The following RBFOX2 variants were observed in gnomAD, a reference collection of about 807,000 sequenced individuals.
RBFOX2 encodes RNA binding protein fox-1 homolog 2.
Under a neutral mutation model 49.1 loss-of-function variants are expected in RBFOX2, and 10 were observed. The ratio of observed to expected loss-of-function variants is 0.20; its 90% CI spans 0.13 to 0.35. RBFOX2 has a LOEUF of 0.35. Among genes scored for constraint, RBFOX2 ranks in the 10% least tolerant of loss-of-function variants. RBFOX2 has a pLI of 1.00. For missense variants in RBFOX2, 323 were observed against 486.9 expected (o/e 0.66, Z 3.17); for synonymous variants, 183 against 187.4 (o/e 0.98, Z 0.19).
chr22:35,970,318 A>T lies in RBFOX2; in HGVS notation c.187-31421T>A, dbSNP rs2056798441. 3.3e-5 allele frequency among the ~76,000 whole-genome samples: 5 copies of T among 152,136 alleles called. No individual in the cohort carries two copies. The South Asian group carries it at 1.0e-3, about 32-fold the overall frequency. ...TCCTCGCTACCTAGAAACAGCACTA[A>T]AATTTTTCATCAGAGGATATATTGT... On this transcript the variant is annotated intron_variant, in intron 1 of 13. Transcript: ENST00000438146.
intron 1 of RBFOX2, among the ~76,000 whole-genome samples, chr22:35,830,756 ATGT>A (rs1476038552): frequency 1.3e-5 from 2 of 152,222 alleles, no homozygotes; most frequent in Non-Finnish European, 2.9e-5. Flanking sequence ...GTTGACCCAA[ATGT>A]TGTTATACAG....
At chr22:35,841,670 A>G (rs2040514080), upstream of RBFOX2, among the ~76,000 whole-genome samples, 2 of 152,210 alleles carry the variant, frequency 1.3e-5, no homozygotes, top group Non-Finnish European at 2.9e-5. Flanking sequence ...TACTTTCTAA[A>G]AGACTACCCA....
Position 36,017,110 on chromosome 22 carries a change from G to A in RBFOX2, c.186+11130C>T, listed in dbSNP as rs150412620. ...TATAAAATACTTCTATGAATCTATC[G>A]CCAAGGCTGAGATTTAAAGGAACAC... On this transcript the variant is annotated intron_variant, in intron 1 of 13. Coordinates refer to the RBFOX2 transcript ENST00000438146. Among the ~76,000 whole-genome samples the A allele has an allele frequency of 6.5e-4, 99 of 152,264 alleles. 1 individual carries two copies. Among genetic ancestry groups the A allele is most frequent in the South Asian group, 3.7e-3 (18 of 4,822 alleles).
intron 1 of RBFOX2, among the ~76,000 whole-genome samples, chr22:35,810,253 CA>C (rs1018265566): frequency 2.7e-5 from 4 of 150,350 alleles, no homozygotes; most frequent in African/African-American, 9.8e-5. Flanking sequence ...AGTTACTAGA[CA>C]GGCCCACAAC....
rs77121447 is a variant in RBFOX2, at chr22:36,024,332, G to C, written c.186+3908C>G. Among the ~76,000 whole-genome samples the C allele has an allele frequency of 4.3e-3, 656 of 152,222 alleles. 2 individuals are homozygous for C. The highest frequency in any genetic ancestry group is 0.015 in the African/African-American group (628 of 41,532). On this transcript the variant is annotated intron_variant, in intron 1 of 13. Transcript: ENST00000438146. ...GAAACAAGAATAATAAAACAATTAA[G>C]GGACAATAAAAGATGACACACAATT...
intron 8 of RBFOX2, 52 bp downstream of exon 9, chr22:35,761,150 T>C (rs1012145305): frequency 2.7e-6 from 4 of 1,479,290 alleles, no homozygotes; most frequent in African/African-American, 2.8e-5. Context: ...CAGTACATGA[T>C]AGTTCACTCA....
intron 1 of RBFOX2, among the ~76,000 whole-genome samples, chr22:36,002,433 A>G (rs1258884638): frequency 2.0e-5 from 3 of 152,246 alleles, no homozygotes; most frequent in Admixed American, 1.3e-4. Flanking sequence ...GTGGTCATTT[A>G]AAAGAATTAG....
chr22:35,979,648 G>A (rs896373271), intron 1 of RBFOX2, among the ~76,000 whole-genome samples: 4 of 152,126 alleles, frequency 2.6e-5, no homozygotes, highest in Non-Finnish European at 4.4e-5. Flanking sequence ...AGGAGTTTGG[G>A]GTGTTTTGTG....
intron 1 of RBFOX2, among the ~76,000 whole-genome samples, chr22:35,956,331 T>C (rs954266462): frequency 6.6e-6 from 1 of 152,076 alleles, no homozygotes; most frequent in Non-Finnish European, 1.5e-5. Flanking sequence ...GCCACAAATA[T>C]CAGTTTTCCT....
intron 3 of RBFOX2, among the ~76,000 whole-genome samples, chr22:35,780,368 C>CAA (rs1056826871): frequency 5.2e-4 from 67 of 129,040 alleles, no homozygotes; most frequent in African/African-American, 1.8e-3. Flanking sequence ...AACAAACAAA[C>CAA]AAAAAAAAAA....
intron 1 of RBFOX2, among the ~76,000 whole-genome samples, chr22:35,960,785 T>C (rs1158012925): frequency 6.6e-6 from 1 of 152,196 alleles, no homozygotes; most frequent in Non-Finnish European, 1.5e-5. Flanking sequence ...GGTAGGTATT[T>C]TTTTAAATAA....
intron 4 of RBFOX2, among the ~76,000 whole-genome samples, chr22:35,773,508 T>C (rs1056028848): frequency 1.2e-4 from 19 of 152,080 alleles, no homozygotes; most frequent in African/African-American, 3.6e-4. Flanking sequence ...ATTATATGAA[T>C]GTATCAGATT....
intron 1 of RBFOX2, among the ~76,000 whole-genome samples, chr22:36,010,732 TACACACAC>T (rs34495987): frequency 0.016 from 2,176 of 137,018 alleles, 29 homozygotes; most frequent in African/African-American, 0.036. Flanking sequence ...TACTGTTCAG[TACACACAC>T]ACACACACAC....
intron 1 of RBFOX2, among the ~76,000 whole-genome samples, chr22:35,896,367 CA>C (rs2047844117): frequency 6.6e-6 from 1 of 152,186 alleles, no homozygotes; most frequent in Admixed American, 6.5e-5. Flanking sequence ...CCTTCCCACT[CA>C]TTAAAGAAAA....
upstream of RBFOX2, chr22:35,939,360 G>A (rs1264426378): frequency 5.6e-6 from 2 of 356,860 alleles, no homozygotes; most frequent in Non-Finnish European, 1.1e-5. Context: ...GCTGAGAACT[G>A]CCTCTTAACC....
intron 1 of RBFOX2, among the ~76,000 whole-genome samples, chr22:35,904,278 T>C (rs2048893901): frequency 1.3e-5 from 2 of 152,204 alleles, no homozygotes; most frequent in South Asian, 4.1e-4. Context: ...GTTTATGTTC[T>C]TCCTAGCAGT....
intron 2 of RBFOX2, among the ~76,000 whole-genome samples, chr22:35,798,621 A>G (rs1603083204): frequency 6.6e-6 from 1 of 152,210 alleles, no homozygotes; most frequent in African/African-American, 2.4e-5. Flanking sequence ...GCTTCAAACA[A>G]TATCTGGTAC....
intron 1 of RBFOX2, among the ~76,000 whole-genome samples, chr22:35,989,226 C>T (rs1283269352): frequency 6.6e-6 from 1 of 151,920 alleles, no homozygotes; most frequent in African/African-American, 2.4e-5. Context: ...TGAGCTTGCC[C>T]AAGGAGAAAT....
At chr22:35,865,867 T>TA (rs34900879) in intron 1 of RBFOX2, among the ~76,000 whole-genome samples, 15 of 151,638 alleles carry the variant, frequency 9.9e-5, no homozygotes, top group South Asian at 8.3e-4. Context: ...GTTCTTTAGC[T>TA]AAAAAAAAGG....
Sources: gnomAD v4.1 joint callset for allele counts (sites outside exome capture counted in the v4.1 genomes callset) on GRCh38, gnomAD v4.1.1 for gene constraint, MANE v1.5 for transcripts, NCBI Gene and HGNC (gene_info 2026-07-23, HGNC 2026-07-21) for gene names.